Variants in LSM5 observed in about 807,000 individuals in gnomAD.
LSM5 encodes U6 snRNA-associated Sm-like protein LSm5.
Under a neutral mutation model 13.8 loss-of-function variants are expected in LSM5, and 8 were observed. That is an observed-to-expected ratio of 0.58 (90% CI 0.34 to 1.04). The LOEUF (loss-of-function observed/expected upper bound fraction) is 1.04, where lower values mean the gene tolerates loss of function less well. Among genes scored for constraint, LSM5 ranks in the 50% least tolerant of loss-of-function variants. The pLI, the probability that LSM5 is intolerant of heterozygous loss-of-function variation, is 0.03. For missense variants in LSM5, 80 were observed against 108.1 expected (o/e 0.74, Z 1.15); for synonymous variants, 35 against 37.0 (o/e 0.95, Z 0.20).
upstream of LSM5, among the ~76,000 whole-genome samples, chr7:32,494,227 T>C (rs571807580): frequency 3.4e-4 from 52 of 152,208 alleles, no homozygotes; most frequent in Non-Finnish European, 6.2e-4. Context: ...CAAGAAAATA[T>C]TAATAGTTAA....
upstream of LSM5, among the ~76,000 whole-genome samples, chr7:32,494,037 G>C (rs929074665): frequency 2.0e-5 from 3 of 151,782 alleles, no homozygotes; most frequent in Non-Finnish European, 4.4e-5. Flanking sequence ...GTTTTACCAT[G>C]TTGGCCAGGC....
chr7:32,490,391 C>T, upstream of LSM5: 1 of 1,586,376 alleles, frequency 6.3e-7, no homozygotes, highest in African/African-American at 1.3e-5. Flanking sequence ...GGCCTGCCTT[C>T]ATTGATGGTG....
At chr7:32,488,764 T>A in intron 2 of LSM5, 112 bp from the exon 3 acceptor site, 1 of 746,880 alleles carries the variant, frequency 1.3e-6, no homozygotes, top group South Asian at 1.6e-5. Context: ...CGCTCTGTCA[T>A]CCAGGCTTAA....
chr7:32,492,703 C>T (rs1363372689), upstream of LSM5, among the ~76,000 whole-genome samples: 1 of 152,088 alleles, frequency 6.6e-6, no homozygotes, highest in African/African-American at 2.4e-5. Context: ...AGGCAAGACA[C>T]AAAAAGGAAG....
At chr7:32,488,972 AC>A (rs201396061) in intron 2 of LSM5, among the ~76,000 whole-genome samples, 2,152 of 152,192 alleles carry the variant, frequency 0.014, 133 homozygotes, top group Admixed American at 0.11. Context: ...CGATCCACCC[AC>A]CTCGCCCTCC....
At position 32,489,283 on chromosome 7, in the gene LSM5, A is replaced by G; in HGVS notation, c.108T>C (p.Ile36=). The change falls in exon 2 of 5, where the codon ATT becomes ATC. Residue 36 remains isoleucine (I), a synonymous_variant. Transcript: ENST00000450169. ...CATCAAATCCTAGAAGAGTACCAAC[A>G]ATTTCCTTATCACTCTTCATCACGA... is the stretch of plus-strand genomic sequence containing the variant. ...IHIVMKSDKE[I]VGTLLGFDDF... The G allele has an allele frequency of 6.2e-7, 1 of 1,609,034 alleles. No individual in the cohort carries two copies. The highest frequency in any genetic ancestry group is 8.5e-7 in the Non-Finnish European group (1 of 1,176,338).
intron 3 of LSM5, chr7:32,488,297 A>G (rs1464713626): frequency 2.9e-5 from 7 of 241,832 alleles, no homozygotes; most frequent in South Asian, 2.4e-4. Flanking sequence ...GGCCTTCCAA[A>G]GTGCTAGGAT....
upstream of LSM5, chr7:32,490,772 C>T (rs966724265): frequency 4.8e-6 from 1 of 207,896 alleles, no homozygotes; most frequent in Non-Finnish European, 1.1e-5. Flanking sequence ...TACAACTACT[C>T]ATTAAGGAAT....
At chr7:32,489,641 C>T (rs1786527415) in intron 1 of LSM5, 2 of 324,240 alleles carry the variant, frequency 6.2e-6, no homozygotes, top group Non-Finnish European at 1.1e-5. Flanking sequence ...TTATATTCAC[C>T]GGAAACTCTC....
intron 2 of LSM5, 91 bp from the exon 3 acceptor site, chr7:32,488,743 A>C (rs1014349231): frequency 8.9e-5 from 82 of 919,232 alleles, no homozygotes; most frequent in Non-Finnish European, 1.4e-4. Flanking sequence ...TTTTGTTTTG[A>C]GACAAAGTCT....
upstream of LSM5, among the ~76,000 whole-genome samples, chr7:32,491,437 G>A (rs190662904): frequency 1.8e-4 from 27 of 149,330 alleles, no homozygotes; most frequent in East Asian, 2.9e-3. Flanking sequence ...AAACATGAGC[G>A]GCCACAAAGA....
At position 32,486,201 on chromosome 7, in the gene LSM5, T is replaced by C. The variant is rs954186020; in HGVS notation, c.*1060A>G. 6.6e-6 allele frequency: 1 copy of C among 152,192 alleles called. No homozygotes were observed. The highest frequency in any genetic ancestry group is 2.4e-5 in the African/African-American group (1 of 41,458). 9.4% of individuals were successfully genotyped at this position (152,192 alleles called of 1,614,324 possible). ...GTATAAAGATCTAGTTAGACTACTGTGGCCAGTAAGAATAGGCTAAATAAT... is the reference window on the plus strand; with the variant it reads ...GTATAAAGATCTAGTTAGACTACTGCGGCCAGTAAGAATAGGCTAAATAAT... On this transcript the variant is annotated 3_prime_UTR_variant, in exon 5 of 5. Transcript: ENST00000450169.
chr7:32,489,106 T>C, intron 2 of LSM5, 143 bp downstream of exon 2: 1 of 585,580 alleles, frequency 1.7e-6, no homozygotes, highest in Non-Finnish European at 3.0e-6. Context: ...CGTCTTTCAA[T>C]ACATACCTCT....
rs1434445389 is a variant in LSM5 at position 32,486,333 on chromosome 7, A to C, written c.*928T>G. ...AAAATGACTTAAGTGGAGGGTAAAA[A>C]CAGTATAATCAGGATGAGCAAGTAA... On this transcript the variant is annotated 3_prime_UTR_variant, in exon 5 of 5. Transcript: ENST00000450169. 1 of 152,236 alleles carries C rather than the reference A, an allele frequency of 6.6e-6. No homozygotes were observed. Among genetic ancestry groups the C allele is most frequent in the Non-Finnish European group, 1.5e-5 (1 of 68,044 alleles). 9.4% of individuals were successfully genotyped at this position (152,236 alleles called of 1,614,324 possible).
At chr7:32,494,272 A>G (rs1353047270), upstream of LSM5, among the ~76,000 whole-genome samples, 1 of 152,240 alleles carries the variant, frequency 6.6e-6, no homozygotes, top group African/African-American at 2.4e-5. Flanking sequence ...AACAGTTAAT[A>G]TATTAAGAAA....
chr7:32,487,166 T>G lies in LSM5; in HGVS notation c.*95A>C, dbSNP rs1233973999. The G allele has an allele frequency of 9.2e-7, 1 of 1,092,580 alleles. No individual in the cohort carries two copies. Among genetic ancestry groups the G allele is most frequent in the Non-Finnish European group, 1.4e-6 (1 of 722,254 alleles). The allele number at this position is 1,092,580 out of a possible 1,614,324, so 67.7% of individuals were successfully genotyped here. A position where few individuals can be genotyped will look rare whatever the true frequency, so the allele number is the denominator to read the frequency against. ...CTTCCCTTTAACGGGAAACTTAGCT[T>G]TATGGGATTTAAACATTAGAAAGTG... is the stretch of plus-strand genomic sequence containing the variant. On this transcript the variant is annotated 3_prime_UTR_variant, in exon 5 of 5. Coordinates refer to ENST00000450169, the MANE Select transcript of LSM5 (RefSeq NM_012322.3).
At chr7:32,490,299 T>C (rs761616701) in intron 1 of LSM5, 21 bp downstream of exon 1, 2 of 1,613,986 alleles carry the variant, frequency 1.2e-6, no homozygotes, top group Non-Finnish European at 1.7e-6. Flanking sequence ...CTGTTCCTGC[T>C]CCCCAAAGGA....
In LSM5 at chr7:32,490,306, A is replaced by C; in HGVS notation, c.46+14T>G. The C allele has an allele frequency of 6.2e-7, 1 of 1,614,186 alleles. No individual in the cohort carries two copies. Among genetic ancestry groups the C allele is most frequent in the Non-Finnish European group, 8.5e-7 (1 of 1,180,028 alleles). ...TCAGCTCCCTGTTCCTGCTCCCCAA[A>C]GGACGGCGATTACCTAAGGGCAGCA... On this transcript the variant is annotated intron_variant, in intron 1 of 4. Transcript: ENST00000450169.
intron 1 of LSM5, chr7:32,489,919 G>T: frequency 3.1e-6 from 2 of 649,990 alleles, no homozygotes; most frequent in Non-Finnish European, 4.4e-6. Flanking sequence ...CCTCATTTAA[G>T]GCTCATTCCG....
Sources: gnomAD v4.1 joint callset for allele counts (sites outside exome capture counted in the v4.1 genomes callset) on GRCh38, gnomAD v4.1.1 for gene constraint, MANE v1.5 for transcripts, NCBI Gene and HGNC (gene_info 2026-07-23, HGNC 2026-07-21) for gene names.